TOMM70: variants seen among roughly 807,000 people sequenced by gnomAD.
TOMM70 encodes mitochondrial import receptor subunit TOM70.
In TOMM70, 13 loss-of-function variants were observed where a neutral mutation model predicts 73.6. The ratio of observed to expected loss-of-function variants is 0.18; its 90% confidence interval spans 0.11 to 0.28. TOMM70 has a LOEUF of 0.28. Ranked by LOEUF, TOMM70 falls within the 10% of genes least tolerant of loss-of-function variation. The probability of loss-of-function intolerance (pLI) is 1.00; values close to 1 mark genes in which losing one functional copy is unlikely to be tolerated. For missense variants in TOMM70, 609 were observed against 747.5 expected, an observed-to-expected ratio of 0.81 and a Z score of 2.16; for synonymous variants, 257 against 271.2, an observed-to-expected ratio of 0.95 and a Z score of 0.51.
chr3:100,384,401 G>A, intron 4 of TOMM70, 78 bp downstream of exon 4: 2 of 1,000,338 alleles, frequency 2.0e-6, no homozygotes, highest in Non-Finnish European at 2.9e-6. Flanking sequence ...CTATGCCTAA[G>A]CTTAAGCAGC....
intron 1 of TOMM70, among the ~76,000 whole-genome samples, chr3:100,397,969 C>A (rs11280724): frequency 0.011 from 1,714 of 151,360 alleles, 21 homozygotes; most frequent in African/African-American, 0.039. Context: ...ATCCAGACAA[C>A]GTGGAAAAGA....
At position 100,400,906 on chromosome 3, in the gene TOMM70, G is replaced by A. The variant is rs1559837297; in HGVS notation, c.44C>T (p.Ala15Val). 27 of 1,532,086 alleles carry A rather than the reference G, an allele frequency of 1.8e-5. No individual in the cohort carries two copies. Among genetic ancestry groups the A allele is most frequent in the South Asian group, 4.8e-5 (4 of 83,978 alleles). 94.9% of individuals were successfully genotyped at this position (1,532,086 alleles called of 1,614,324 possible). A position where few individuals can be genotyped will look rare whatever the true frequency, so the allele number is the denominator to read the frequency against. ...CACCCCACTCCCGGAGCTCGGTACA[G>A]CGGCTGCGACCACCGCTGCCTCCAC... Reference protein sequence around the residue: ...KPVEAAVVAAAVPSSGSGVGG... With the variant: ...KPVEAAVVAAVVPSSGSGVGG... Residue 15 changes from alanine to valine, a missense_variant, in exon 1 of 12, where the codon GCT (alanine) becomes GTT (valine). By Grantham distance (64) the Ala-to-Val change is moderately conservative. Coordinates refer to ENST00000284320, the MANE Select transcript of TOMM70 (RefSeq NM_014820.5).
At chr3:100,387,900 G>C (rs1028695137) in intron 1 of TOMM70, among the ~76,000 whole-genome samples, 4 of 152,078 alleles carry the variant, frequency 2.6e-5, no homozygotes, top group Non-Finnish European at 4.4e-5. Flanking sequence ...TTTCAAAAAG[G>C]CTGCAGTACT....
intron 5 of TOMM70, among the ~76,000 whole-genome samples, chr3:100,378,238 A>G (rs1277502274): frequency 4.0e-5 from 6 of 151,684 alleles, no homozygotes; most frequent in Admixed American, 2.0e-4. Context: ...GCAAGACTCC[A>G]TCTCAAAAAA....
intron 3 of TOMM70, among the ~76,000 whole-genome samples, chr3:100,384,933 T>A (rs1706673398): frequency 6.6e-6 from 1 of 152,218 alleles, no homozygotes; most frequent in Non-Finnish European, 1.5e-5. Flanking sequence ...GTCTGGTGTT[T>A]GTTTATAGGC....
chr3:100,374,508 G>A (rs1487703979), intron 7 of TOMM70, among the ~76,000 whole-genome samples: 1 of 152,120 alleles, frequency 6.6e-6, no homozygotes, highest in Non-Finnish European at 1.5e-5. Context: ...TGATTATAAA[G>A]CCATGTTTTC....
chr3:100,372,992 A>C (rs909474408), intron 8 of TOMM70, among the ~76,000 whole-genome samples: 1 of 152,228 alleles, frequency 6.6e-6, no homozygotes, highest in African/African-American at 2.4e-5. Flanking sequence ...ACTTTGCAAT[A>C]AATGAATTTT....
At chr3:100,398,981 T>A (rs1706856087) in intron 1 of TOMM70, among the ~76,000 whole-genome samples, 1 of 152,090 alleles carries the variant, frequency 6.6e-6, no homozygotes, top group South Asian at 2.1e-4. Flanking sequence ...TAATTTGACA[T>A]CCTAGTAAAA....
Position 100,386,247 on chromosome 3 carries a change from T to A in TOMM70, c.596A>T (p.Lys199Met), listed in dbSNP as rs1389519745. The A allele has an allele frequency of 1.9e-6, 3 of 1,612,580 alleles. No homozygotes were observed. Among genetic ancestry groups the A allele is most frequent in the Non-Finnish European group, 2.5e-6 (3 of 1,179,298 alleles). The part of the protein sequence containing the change: ...ALFRRAKAHE[K>M]LDNKKECLED... ...TAAACATTCCTTCTTATTGTCTAGCTTCTCATGGGCTTTTGCACGTCTAAA... is the reference window on the plus strand; with the variant it reads ...TAAACATTCCTTCTTATTGTCTAGCATCTCATGGGCTTTTGCACGTCTAAA... The change falls in exon 3 of 12, where the codon AAG (lysine) becomes ATG (methionine). Residue 199 changes from lysine (K) to methionine (M), a missense_variant. By Grantham distance (95) the Lys-to-Met change is moderately conservative. Transcript: ENST00000284320.
chr3:100,391,466 T>C (rs1353516748), intron 1 of TOMM70, among the ~76,000 whole-genome samples: 1 of 152,210 alleles, frequency 6.6e-6, no homozygotes, highest in African/African-American at 2.4e-5. Flanking sequence ...TAGGCTAATG[T>C]ATCTGTGTCT....
intron 5 of TOMM70, among the ~76,000 whole-genome samples, chr3:100,378,249 AAAAAG>A (rs1706588730): frequency 6.6e-6 from 1 of 152,110 alleles, no homozygotes. Context: ...TCTCAAAAAA[AAAAAG>A]AAAGAAAGAA....
chr3:100,391,374 T>C lies in TOMM70; in HGVS notation c.325-4396A>G, dbSNP rs1430838029. On this transcript the variant is annotated intron_variant, in intron 1 of 11. Transcript: ENST00000284320. Reference sequence around the variant, plus strand: ...TCATAAGAGATGACAGATCCATGCATGTTAATGCCCTTGAAGATCTTCCAG... The same window carrying C: ...TCATAAGAGATGACAGATCCATGCACGTTAATGCCCTTGAAGATCTTCCAG... 2.0e-5 allele frequency among the ~76,000 whole-genome samples: 3 copies of C among 152,176 alleles called. No homozygotes were observed. In the East Asian group the frequency reaches 5.8e-4, roughly 29 times the overall value.
intron 1 of TOMM70, among the ~76,000 whole-genome samples, chr3:100,387,966 T>G (rs1412024017): frequency 5.9e-5 from 9 of 152,210 alleles, no homozygotes; most frequent in African/African-American, 2.2e-4. Flanking sequence ...GCTCTAAGTA[T>G]CTAAGATCAG....
chr3:100,369,265 C>A, intron 9 of TOMM70, 130 bp from the exon 10 acceptor site: 1 of 672,714 alleles, frequency 1.5e-6, no homozygotes, highest in Non-Finnish European at 2.6e-6. Context: ...GGGATACAGA[C>A]TGATTTACAT....
chr3:100,394,538 C>G (rs1046910976), intron 1 of TOMM70, among the ~76,000 whole-genome samples: 6 of 152,270 alleles, frequency 3.9e-5, no homozygotes, highest in African/African-American at 1.4e-4. Context: ...GAGTTTTGCT[C>G]TGTCACCCAG....
intron 11 of TOMM70, among the ~76,000 whole-genome samples, chr3:100,366,854 A>C (rs1210139684): frequency 6.6e-6 from 1 of 152,236 alleles, no homozygotes; most frequent in East Asian, 1.9e-4. Flanking sequence ...TCGCTCAAAA[A>C]AGATTAAGAA....
At chr3:100,388,855 T>C (rs945165484) in intron 1 of TOMM70, among the ~76,000 whole-genome samples, 2 of 152,158 alleles carry the variant, frequency 1.3e-5, no homozygotes, top group Non-Finnish European at 2.9e-5. Flanking sequence ...ATTGGCTGTA[T>C]ATTAAAGAAG....
intron 1 of TOMM70, among the ~76,000 whole-genome samples, chr3:100,388,024 A>AT (rs1186490353): frequency 6.6e-6 from 1 of 152,226 alleles, no homozygotes; most frequent in African/African-American, 2.4e-5. Flanking sequence ...CAGAATGTAT[A>AT]TTTTAAAACT....
At chr3:100,390,877 C>T (rs1445754378) in intron 1 of TOMM70, among the ~76,000 whole-genome samples, 4 of 151,816 alleles carry the variant, frequency 2.6e-5, no homozygotes, top group Admixed American at 6.6e-5. Context: ...CGGCGGCTCA[C>T]GCTTGTAATT....
Sources: gnomAD v4.1 joint callset for allele counts (sites outside exome capture counted in the v4.1 genomes callset) on GRCh38, gnomAD v4.1.1 for gene constraint, MANE v1.5 for transcripts, NCBI Gene and HGNC (gene_info 2026-07-23, HGNC 2026-07-21) for gene names.